The following MED13L variants were observed in gnomAD, a reference collection of about 807,000 sequenced individuals.
The protein encoded by MED13L is mediator complex subunit 13L.
MED13L carries 7 observed loss-of-function variants against 220.9 expected under a neutral mutation model. That is an observed-to-expected ratio of 0.03 (90% CI 0.02 to 0.06). The LOEUF (loss-of-function observed/expected upper bound fraction) is 0.06. Ranked by LOEUF, MED13L falls within the 10% of genes least tolerant of loss-of-function variation. The pLI, the probability that MED13L is intolerant of heterozygous loss-of-function variation, is 1.00. For missense variants in MED13L, 1,965 were observed against 2,760.5 expected (o/e 0.71, Z 6.46); for synonymous variants, 1,011 against 1,015.2 (o/e 1.00, Z 0.08).
At chr12:116,124,773 C>T (rs949356588) in intron 2 of MED13L, among the ~76,000 whole-genome samples, 14 of 152,146 alleles carry the variant, frequency 9.2e-5, no homozygotes, top group African/African-American at 3.4e-4. Context: ...ATACTGACAA[C>T]ATATAAAGTC....
intron 4 of MED13L, among the ~76,000 whole-genome samples, chr12:116,085,135 A>G (rs1380559900): frequency 1.3e-5 from 2 of 152,188 alleles, no homozygotes; most frequent in Non-Finnish European, 2.9e-5. Context: ...CCTACTTTAT[A>G]TATGAAGCAC....
intron 30 of MED13L, among the ~76,000 whole-genome samples, chr12:115,962,368 A>G (rs918643049): frequency 1.3e-5 from 2 of 152,184 alleles, no homozygotes; most frequent in Admixed American, 6.5e-5. Context: ...TTGTGCCCCT[A>G]TGAGAATCTA....
rs145814098 is a variant in MED13L, at chr12:116,069,707, G to T, written c.479+26962C>A. 9.4e-3 allele frequency among the ~76,000 whole-genome samples: 1,433 copies of T among 152,232 alleles called. 24 individuals carry two copies. Among genetic ancestry groups the T allele is most frequent in the African/African-American group, 0.032 (1,344 of 41,550 alleles). On this transcript the variant is annotated intron_variant, in intron 4 of 30. Coordinates refer to ENST00000281928, the MANE Select transcript of MED13L (RefSeq NM_015335.5). ...AACAGTCCAAAATCCAAAACTTTTT[G>T]AGCACCAACATGACACCACGAATGA...
At chr12:116,276,335 T>C in intron 1 of MED13L, 2 of 561,954 alleles carry the variant, frequency 3.6e-6, no homozygotes, top group Non-Finnish European at 5.9e-6. Context: ...TGTGTGTGTG[T>C]GTGTGTGTGT....
intron 2 of MED13L, among the ~76,000 whole-genome samples, chr12:116,139,007 C>T (rs968458737): frequency 1.3e-5 from 2 of 152,166 alleles, no homozygotes; most frequent in Admixed American, 6.5e-5. Context: ...ATAGTTGAGA[C>T]ATATTCCTGG....
intron 2 of MED13L, chr12:116,174,378 G>C (rs1879894300): frequency 6.6e-6 from 1 of 152,034 alleles, no homozygotes; most frequent in Non-Finnish European, 1.5e-5. Context: ...GTAATAGGTA[G>C]AGAGACACTG....
At position 116,270,346 on chromosome 12, in the gene MED13L, G is replaced by A. The variant is rs539013806; in HGVS notation, c.72+6714C>T. ...TTTAGTAGAGACGGGGTTTCACCAT[G>A]TTGGCCAGGATGGTCTCAATCTCCT... On this transcript the variant is annotated intron_variant, in intron 1 of 30. Coordinates refer to ENST00000281928, the MANE Select transcript of MED13L (RefSeq NM_015335.5). Among the ~76,000 whole-genome samples the A allele has an allele frequency of 2.0e-5, 3 of 152,144 alleles. No individual in the cohort carries two copies. In the East Asian group the frequency reaches 5.8e-4, roughly 29 times the overall value.
At chr12:116,103,125 A>G (rs1313588510) in intron 3 of MED13L, among the ~76,000 whole-genome samples, 2 of 152,110 alleles carry the variant, frequency 1.3e-5, no homozygotes, top group African/African-American at 4.8e-5. Context: ...CTGTCCGGTT[A>G]GCCTCTTTTA....
At chr12:116,257,399 C>G (rs1177734164) in intron 1 of MED13L, among the ~76,000 whole-genome samples, 3 of 152,160 alleles carry the variant, frequency 2.0e-5, no homozygotes, top group Admixed American at 1.3e-4. Flanking sequence ...TGAAGTATGG[C>G]CAGAAGTGTT....
intron 3 of MED13L, among the ~76,000 whole-genome samples, chr12:116,101,594 T>C (rs941957467): frequency 1.3e-5 from 2 of 152,202 alleles, no homozygotes; most frequent in African/African-American, 4.8e-5. Flanking sequence ...CCACTGAAGA[T>C]TAAAATCATA....
chr12:116,096,823 C>A (rs1396738844), intron 3 of MED13L, 71 bp from the exon 4 acceptor site: 1 of 1,060,908 alleles, frequency 9.4e-7, no homozygotes, highest in Non-Finnish European at 1.5e-6. Flanking sequence ...AAGCAATACA[C>A]CAGATGAGAT....
At chr12:116,117,861 G>A (rs1208814914) in intron 2 of MED13L, among the ~76,000 whole-genome samples, 1 of 152,152 alleles carries the variant, frequency 6.6e-6, no homozygotes, top group Non-Finnish European at 1.5e-5. Context: ...AGGCTAGAGT[G>A]CAGTTACATG....
At chr12:116,003,502 T>C (rs1010061143) in intron 13 of MED13L, among the ~76,000 whole-genome samples, 4 of 152,126 alleles carry the variant, frequency 2.6e-5, no homozygotes, top group African/African-American at 9.7e-5. Flanking sequence ...CAATTCTTTT[T>C]TTTTTTTTGC....
At chr12:116,004,570 C>G (rs1362514461) in intron 13 of MED13L, among the ~76,000 whole-genome samples, 1 of 152,108 alleles carries the variant, frequency 6.6e-6, no homozygotes, top group Non-Finnish European at 1.5e-5. Flanking sequence ...CCAAAACTTT[C>G]CTAGACCTAT....
At chr12:116,163,824 A>G (rs1337069410) in intron 2 of MED13L, among the ~76,000 whole-genome samples, 1 of 152,176 alleles carries the variant, frequency 6.6e-6, no homozygotes, top group African/African-American at 2.4e-5. Flanking sequence ...ATATAAGCCA[A>G]TCTCCCAGTA....
chr12:116,117,922 C>G (rs71469749), intron 2 of MED13L, among the ~76,000 whole-genome samples: 3 of 152,152 alleles, frequency 2.0e-5, no homozygotes, highest in African/African-American at 7.2e-5. Flanking sequence ...ATCCTCCTAC[C>G]TAAGTCTCCC....
intron 4 of MED13L, among the ~76,000 whole-genome samples, chr12:116,076,155 C>T (rs1484233378): frequency 6.6e-5 from 10 of 152,026 alleles, no homozygotes; most frequent in African/African-American, 1.5e-4. Context: ...CCTCGTGATC[C>T]GCCCGCCTCG....
intron 2 of MED13L, among the ~76,000 whole-genome samples, chr12:116,214,000 C>T (rs573463969): frequency 2.6e-5 from 4 of 152,206 alleles, no homozygotes; most frequent in Admixed American, 6.5e-5. Flanking sequence ...ACACACGCAC[C>T]CCTTGAAAAA....
chr12:116,244,029 A>C (rs1870880723), intron 1 of MED13L, among the ~76,000 whole-genome samples: 1 of 152,190 alleles, frequency 6.6e-6, no homozygotes, highest in African/African-American at 2.4e-5. Flanking sequence ...GAAACTATTG[A>C]AAGAGTCCTC....
Sources: gnomAD v4.1 joint callset for allele counts (sites outside exome capture counted in the v4.1 genomes callset) on GRCh38, gnomAD v4.1.1 for gene constraint, MANE v1.5 for transcripts, NCBI Gene and HGNC (gene_info 2026-07-23, HGNC 2026-07-21) for gene names.